Variants in DYM observed in about 807,000 individuals in gnomAD.
DYM encodes the protein dyggve-Melchior-Clausen syndrome protein.
DYM carries 78 observed loss-of-function variants against 93.1 expected under a neutral mutation model. That is an observed-to-expected ratio of 0.84 (90% CI 0.70 to 1.01). DYM has a LOEUF of 1.01. Among genes scored for constraint, DYM ranks in the 50% least tolerant of loss-of-function variants. The pLI is 0.00. For missense variants in DYM, 789 were observed against 845.0 expected (o/e 0.93, Z 0.82); for synonymous variants, 321 against 319.7 (o/e 1.00, Z -0.04).
chr18:49,169,773 G>C (rs560216926), intron 14 of DYM, among the ~76,000 whole-genome samples: 54 of 152,300 alleles, frequency 3.5e-4, no homozygotes, highest in Non-Finnish European at 5.4e-4. Flanking sequence ...TGGGCCAAGT[G>C]TATAAAATTC....
chr18:49,441,839 G>T (rs2148618218), intron 1 of DYM, among the ~76,000 whole-genome samples: 1 of 152,116 alleles, frequency 6.6e-6, no homozygotes, highest in Middle Eastern at 3.4e-3. Context: ...AAAGCCTGGG[G>T]GTCTCTCTCC....
At chr18:49,102,967 T>C (rs2080345153) in intron 16 of DYM, among the ~76,000 whole-genome samples, 1 of 152,220 alleles carries the variant, frequency 6.6e-6, no homozygotes, top group African/African-American at 2.4e-5. Context: ...TATTTCTAGT[T>C]CTAGATCCTT....
At chr18:49,157,580 C>A (rs756145260) in intron 15 of DYM, among the ~76,000 whole-genome samples, 3 of 152,120 alleles carry the variant, frequency 2.0e-5, no homozygotes, top group Non-Finnish European at 2.9e-5. Context: ...AGCCACAGAA[C>A]CAGTTCACAA....
intron 17 of DYM, among the ~76,000 whole-genome samples, chr18:49,067,217 GCAGGT>G (rs2076488844): frequency 9.3e-6 from 1 of 107,512 alleles, no homozygotes; most frequent in Non-Finnish European, 1.9e-5. Flanking sequence ...TGAGCACTAT[GCAGGT>G]TCAGTAGAGG....
intron 6 of DYM, among the ~76,000 whole-genome samples, chr18:49,342,451 C>T (rs1032491471): frequency 6.6e-6 from 1 of 152,176 alleles, no homozygotes; most frequent in Non-Finnish European, 1.5e-5. Flanking sequence ...GGGATTAGAG[C>T]ATGTACATCT....
intron 14 of DYM, among the ~76,000 whole-genome samples, chr18:49,189,982 T>C (rs1367547785): frequency 6.6e-6 from 1 of 152,230 alleles, no homozygotes; most frequent in Admixed American, 6.5e-5. Context: ...CAAAAGCTCT[T>C]TTCCTTCCGT....
At chr18:49,375,993 G>A (rs1258450795) in intron 5 of DYM, among the ~76,000 whole-genome samples, 1 of 152,030 alleles carries the variant, frequency 6.6e-6, no homozygotes, top group African/African-American at 2.4e-5. Context: ...AGGGACTCTT[G>A]GGCCTTCAGA....
At chr18:49,164,204 C>T (rs1312611331) in intron 14 of DYM, among the ~76,000 whole-genome samples, 4 of 152,096 alleles carry the variant, frequency 2.6e-5, no homozygotes, top group East Asian at 1.9e-4. Flanking sequence ...TACTGTCATA[C>T]AGAGTCTATG....
At chr18:49,074,083 T>C (rs939480652) in intron 17 of DYM, among the ~76,000 whole-genome samples, 7 of 152,226 alleles carry the variant, frequency 4.6e-5, no homozygotes, top group African/African-American at 1.4e-4. Context: ...AACAGCTAGG[T>C]TCTTTTGGCC....
chr18:49,337,725 C>T (rs972743525), intron 6 of DYM, among the ~76,000 whole-genome samples: 4 of 152,038 alleles, frequency 2.6e-5, no homozygotes, highest in Non-Finnish European at 5.9e-5. Flanking sequence ...CTATGAAATC[C>T]GGCAAATCCC....
chr18:49,305,737 A>G (rs1326578782), intron 8 of DYM, among the ~76,000 whole-genome samples: 1 of 152,196 alleles, frequency 6.6e-6, no homozygotes, highest in African/African-American at 2.4e-5. Context: ...AAACAAAAAT[A>G]AAAAACCTCC....
chr18:49,434,086 C>A (rs1333692974), intron 1 of DYM, among the ~76,000 whole-genome samples: 1 of 151,954 alleles, frequency 6.6e-6, no homozygotes, highest in Non-Finnish European at 1.5e-5. Context: ...TGGCTCACGC[C>A]TATAATCCCA....
intron 17 of DYM, among the ~76,000 whole-genome samples, chr18:49,095,049 T>C (rs1394336300): frequency 6.6e-6 from 1 of 152,188 alleles, no homozygotes; most frequent in Non-Finnish European, 1.5e-5. Flanking sequence ...AAACCAACTC[T>C]TTTACATCAA....
At chr18:49,436,201 G>T (rs1476633211) in intron 1 of DYM, among the ~76,000 whole-genome samples, 2 of 151,960 alleles carry the variant, frequency 1.3e-5, no homozygotes, top group Non-Finnish European at 2.9e-5. Context: ...TTTTTATAGA[G>T]ATGGGCGTCT....
At chr18:49,300,675 G>C (rs1185554995) in intron 8 of DYM, among the ~76,000 whole-genome samples, 1 of 152,086 alleles carries the variant, frequency 6.6e-6, no homozygotes, top group African/African-American at 2.4e-5. Context: ...GTGAACTTGA[G>C]TTCTACTTGT....
chr18:49,107,911 G>C (rs1273035505), intron 16 of DYM, among the ~76,000 whole-genome samples: 9 of 152,206 alleles, frequency 5.9e-5, no homozygotes, highest in Admixed American at 5.2e-4. Context: ...CATGCTGGGA[G>C]AACCACTACT....
intron 8 of DYM, among the ~76,000 whole-genome samples, chr18:49,288,954 C>T (rs1418174578): frequency 6.6e-6 from 1 of 151,938 alleles, no homozygotes; most frequent in Admixed American, 6.6e-5. Context: ...AATTCTGAGA[C>T]CGACCTAGGG....
At chr18:49,104,850 G>C (rs1282310202) in intron 16 of DYM, among the ~76,000 whole-genome samples, 6 of 152,180 alleles carry the variant, frequency 3.9e-5, no homozygotes, top group East Asian at 1.9e-4. Context: ...TGTTCATCAG[G>C]GATATTGGTC....
At chr18:49,411,350 T>C (rs1424634995) in intron 2 of DYM, among the ~76,000 whole-genome samples, 2 of 152,150 alleles carry the variant, frequency 1.3e-5, no homozygotes, top group East Asian at 3.8e-4. Flanking sequence ...ATGTGAATTA[T>C]AAAGAATTGG....
Sources: allele counts gnomAD v4.1 joint callset (sites outside exome capture counted in the v4.1 genomes callset), GRCh38; gene constraint gnomAD v4.1.1; transcripts MANE v1.5; gene names NCBI Gene and HGNC (gene_info 2026-07-23, HGNC 2026-07-21).